Variants in MTUS2 observed in about 807,000 individuals in gnomAD.
MTUS2 encodes the protein microtubule associated scaffold protein 2, also known as microtubule-associated tumor suppressor candidate 2.
In MTUS2, 40 loss-of-function variants were observed where a neutral mutation model predicts 114.1. The observed-to-expected ratio is 0.35, with a 90% CI of 0.27 to 0.46. MTUS2 has a LOEUF of 0.46. Among genes scored for constraint, MTUS2 ranks in the 20% least tolerant of loss-of-function variants. MTUS2 has a pLI of 1.00. For synonymous variants in MTUS2, 688 were observed against 672.0 expected (o/e 1.02, Z -0.37); for missense variants, 1,679 against 1,705.4 (o/e 0.98, Z 0.27).
In MTUS2 at chr13:29,503,315, C is replaced by G. The variant is rs1257297571; in HGVS notation, c.*109C>G. On this transcript the variant is annotated 3_prime_UTR_variant, in exon 16 of 16. Transcript: ENST00000612955. ...CTGGCCCTGTGCGCATGCTCAGTAG[C>G]TGCGAATGCATCCTAGGCGCGTCCT... 1.6e-6 allele frequency: 2 copies of G among 1,235,102 alleles called. No homozygotes were observed. Among genetic ancestry groups the G allele is most frequent in the Non-Finnish European group, 2.3e-6 (2 of 873,400 alleles). The allele number at this position is 1,235,102 out of a possible 1,614,324, so 76.5% of individuals were successfully genotyped here.
chr13:29,275,336 A>G lies in MTUS2; in HGVS notation c.2645-6368A>G, dbSNP rs146845232. Among the ~76,000 whole-genome samples the G allele has an allele frequency of 3.0e-4, 46 of 152,318 alleles. 1 individual carries two copies. The East Asian group carries it at 5.6e-3, about 19-fold the overall frequency. On this transcript the variant is annotated intron_variant, in intron 5 of 15. Coordinates refer to ENST00000612955, the MANE Select transcript of MTUS2 (RefSeq NM_001033602.4). Reference sequence around the variant, plus strand: ...AATAATCAAATCAGGTAAATGGGGTATCCATTATCTCAGACATTTATTCTT... The same window carrying G: ...AATAATCAAATCAGGTAAATGGGGTGTCCATTATCTCAGACATTTATTCTT...
chr13:29,178,843 A>G (rs1186651873), intron 5 of MTUS2, among the ~76,000 whole-genome samples: 1 of 152,212 alleles, frequency 6.6e-6, no homozygotes, highest in Non-Finnish European at 1.5e-5. Context: ...GGCATGAAAC[A>G]TGGGAAAATC....
chr13:29,250,969 A>G (rs1897104626), intron 5 of MTUS2, among the ~76,000 whole-genome samples: 1 of 152,224 alleles, frequency 6.6e-6, no homozygotes, highest in Admixed American at 6.5e-5. Flanking sequence ...TGTTGGGAAC[A>G]GGTATCACCC....
At chr13:29,478,124 A>G (rs1410828920) in intron 9 of MTUS2, among the ~76,000 whole-genome samples, 2 of 152,220 alleles carry the variant, frequency 1.3e-5, no homozygotes, top group South Asian at 2.1e-4. Flanking sequence ...AAAGTCAAGG[A>G]AAGACTGAGG....
chr13:29,246,066 A>T (rs1896914530), intron 5 of MTUS2, among the ~76,000 whole-genome samples: 1 of 152,210 alleles, frequency 6.6e-6, no homozygotes, highest in Admixed American at 6.5e-5. Flanking sequence ...TGGTATATTT[A>T]TGTCATATAA....
chr13:29,026,714 C>T lies in MTUS2; in HGVS notation c.2016C>T (p.Pro672=), dbSNP rs753682006. 2.5e-6 allele frequency: 4 copies of T among 1,614,002 alleles called. No individual in the cohort carries two copies. The highest frequency in any genetic ancestry group is 3.3e-5 in the Admixed American group (2 of 60,036). The change falls in exon 3 of 16, where the codon CCC becomes CCT. Residue 672 remains proline, a synonymous_variant. Transcript: ENST00000612955. The stretch of plus-strand genomic sequence containing the variant: ...CAGTGGGGCTTCCATATGCCCCGCC[C>T]ACATGTACCATGCCTCTTCCCCACG... ...LVPVGLPYAP[P]TCTMPLPHEE...
At chr13:29,138,780 G>A (rs1892093830) in intron 5 of MTUS2, among the ~76,000 whole-genome samples, 1 of 151,428 alleles carries the variant, frequency 6.6e-6, no homozygotes, top group Non-Finnish European at 1.5e-5. Flanking sequence ...TCAACATAAA[G>A]CCATTTTAAA....
chr13:29,279,228 C>T (rs1365851478), intron 5 of MTUS2, among the ~76,000 whole-genome samples: 1 of 152,244 alleles, frequency 6.6e-6, no homozygotes, highest in East Asian at 1.9e-4. Flanking sequence ...TATTCAAACC[C>T]TAGCCATCTT....
intron 8 of MTUS2, among the ~76,000 whole-genome samples, chr13:29,404,509 A>G (rs1163177373): frequency 6.6e-6 from 1 of 152,134 alleles, no homozygotes; most frequent in Non-Finnish European, 1.5e-5. Flanking sequence ...ATTCAAGACC[A>G]GTATTTGTCC....
intron 2 of MTUS2, among the ~76,000 whole-genome samples, chr13:28,885,625 C>G (rs1039978577): frequency 5.9e-5 from 9 of 152,184 alleles, no homozygotes; most frequent in African/African-American, 2.2e-4. Context: ...TGATCTTTAG[C>G]TCTGGATGGC....
intron 4 of MTUS2, among the ~76,000 whole-genome samples, chr13:29,099,116 G>A (rs1221079022): frequency 6.6e-6 from 1 of 152,182 alleles, no homozygotes; most frequent in Non-Finnish European, 1.5e-5. Context: ...TGAACTAAAA[G>A]TATTCAAAAT....
intron 5 of MTUS2, among the ~76,000 whole-genome samples, chr13:29,162,693 G>C (rs918763905): frequency 5.9e-5 from 9 of 152,132 alleles, no homozygotes; most frequent in African/African-American, 2.2e-4. Flanking sequence ...GTGTTTGATC[G>C]TATTTCTAGA....
intron 9 of MTUS2, among the ~76,000 whole-genome samples, chr13:29,464,471 C>T (rs1879747610): frequency 6.6e-6 from 1 of 152,234 alleles, no homozygotes; most frequent in African/African-American, 2.4e-5. Context: ...AGGGCACTGT[C>T]TGCCCTCTGC....
chr13:28,872,554 C>A (rs1330155916), intron 2 of MTUS2, among the ~76,000 whole-genome samples: 3 of 152,216 alleles, frequency 2.0e-5, no homozygotes, highest in African/African-American at 7.2e-5. Flanking sequence ...GAGTCTCAGG[C>A]AGCTTCTCCA....
chr13:29,006,625 G>A (rs1799103678), intron 2 of MTUS2, among the ~76,000 whole-genome samples: 1 of 152,270 alleles, frequency 6.6e-6, no homozygotes, highest in African/African-American at 2.4e-5. Context: ...TATGGATGGT[G>A]GCCATTTTGA....
intron 5 of MTUS2, among the ~76,000 whole-genome samples, chr13:29,212,755 G>A (rs1201101377): frequency 3.3e-5 from 5 of 152,278 alleles, no homozygotes; most frequent in Non-Finnish European, 7.3e-5. Flanking sequence ...GGGAGCTTGT[G>A]TCCCCACAGA....
intron 2 of MTUS2, among the ~76,000 whole-genome samples, chr13:28,963,771 C>T (rs1326805500): frequency 3.3e-5 from 5 of 152,198 alleles, no homozygotes; most frequent in African/African-American, 1.2e-4. Context: ...CTGCTCTTGT[C>T]AACTTTACCA....
At chr13:29,351,104 A>G (rs1198595813) in intron 7 of MTUS2, among the ~76,000 whole-genome samples, 2 of 151,924 alleles carry the variant, frequency 1.3e-5, no homozygotes, top group Non-Finnish European at 2.9e-5. Flanking sequence ...GTCCTAAAGG[A>G]TGGCAACCTG....
chr13:28,899,847 A>G (rs1450767846), intron 2 of MTUS2, among the ~76,000 whole-genome samples: 1 of 151,976 alleles, frequency 6.6e-6, no homozygotes, highest in Non-Finnish European at 1.5e-5. Flanking sequence ...CGATTCATGA[A>G]TTGTTCTTTG....
Sources: gnomAD v4.1 joint callset for allele counts (sites outside exome capture counted in the v4.1 genomes callset) on GRCh38, gnomAD v4.1.1 for gene constraint, MANE v1.5 for transcripts, NCBI Gene and HGNC (gene_info 2026-07-23, HGNC 2026-07-21) for gene names.